Variants in SRGAP2 observed in about 807,000 individuals in gnomAD.
SRGAP2 encodes the protein SLIT-ROBO Rho GTPase activating protein 2, also known as SLIT-ROBO Rho GTPase-activating protein 2.
Under a neutral mutation model 57.2 loss-of-function variants are expected in SRGAP2, and 15 were observed. That is an observed-to-expected ratio of 0.26 (90% CI 0.18 to 0.40). SRGAP2 has a LOEUF of 0.40. SRGAP2 is among the 10% of genes least tolerant of loss of function. The pLI is 1.00. For synonymous variants in SRGAP2, 249 were observed against 248.0 expected, an observed-to-expected ratio of 1.00 and a Z score of -0.04; for missense variants, 520 against 669.6, an observed-to-expected ratio of 0.78 and a Z score of 2.47.
intron 2 of SRGAP2, among the ~76,000 whole-genome samples, chr1:206,275,893 G>A (rs1670385432): frequency 6.6e-6 from 1 of 151,848 alleles, no homozygotes; most frequent in Non-Finnish European, 1.5e-5. Flanking sequence ...GGGATTACAA[G>A]TGTGAGCCAC....
chr1:206,457,564 C>A (rs1458753492), intron 21 of SRGAP2, among the ~76,000 whole-genome samples: 1 of 152,192 alleles, frequency 6.6e-6, no homozygotes, highest in Non-Finnish European at 1.5e-5. Context: ...TTTTTCCACT[C>A]GAGAGCGGCT....
At chr1:206,250,279 C>G (rs61815480) in intron 2 of SRGAP2, among the ~76,000 whole-genome samples, 6,057 of 151,906 alleles carry the variant, frequency 0.04, 166 homozygotes, top group South Asian at 0.066. Flanking sequence ...GAATTACTCA[C>G]AGTCATAAAG....
intron 4 of SRGAP2, among the ~76,000 whole-genome samples, chr1:206,354,428 G>C (rs1440072451): frequency 1.7e-4 from 26 of 152,208 alleles, no homozygotes; most frequent in African/African-American, 6.0e-4. Flanking sequence ...GGAAGCCCAA[G>C]ATGTTTATCA....
chr1:206,213,832 T>C (rs1422073478), intron 2 of SRGAP2, among the ~76,000 whole-genome samples: 1 of 150,576 alleles, frequency 6.6e-6, no homozygotes, highest in Non-Finnish European at 1.5e-5. Flanking sequence ...GGGAGGAGAA[T>C]CGCTTGAATC....
At position 206,373,701 on chromosome 1, in the gene SRGAP2, C is replaced by T. The variant is rs868952739; in HGVS notation, c.424-10313C>T. Among the ~76,000 whole-genome samples the T allele has an allele frequency of 4.3e-4, 31 of 71,876 alleles. No homozygotes were observed. In the Middle Eastern group the frequency reaches 0.017, roughly 40 times the overall value. 47.2% of individuals were successfully genotyped at this position (71,876 alleles called of 152,430 possible). A position where few individuals can be genotyped will look rare whatever the true frequency, so the allele number is the denominator to read the frequency against. Reference sequence around the variant, plus strand: ...AGTGAGCCGAGATGGCGCCACTGCACTCCAGCCTGGTGATAGAGCGAGACT... The same window carrying T: ...AGTGAGCCGAGATGGCGCCACTGCATTCCAGCCTGGTGATAGAGCGAGACT... On this transcript the variant is annotated intron_variant, in intron 4 of 22. Coordinates refer to ENST00000573034, the MANE Select transcript of SRGAP2 (RefSeq NM_015326.5).
chr1:206,429,941 T>C (rs1424350814), intron 13 of SRGAP2, among the ~76,000 whole-genome samples: 1 of 152,114 alleles, frequency 6.6e-6, no homozygotes, highest in Non-Finnish European at 1.5e-5. Context: ...CAGAAGATGA[T>C]CAGTTTTGTT....
rs575484842 is a variant in SRGAP2, at chr1:206,371,378, A to G, written c.424-12636A>G. 3.2e-3 allele frequency among the ~76,000 whole-genome samples: 487 copies of G among 152,178 alleles called. 2 individuals are homozygous for G. Among genetic ancestry groups the G allele is most frequent in the African/African-American group, 0.011 (467 of 41,502 alleles). On this transcript the variant is annotated intron_variant, in intron 4 of 22. Transcript: ENST00000573034. ...GCATTATTTAGGCAGAAGGAAAATG[A>G]TCCCAAATAGAATCTTAGAAGTGCA...
intron 2 of SRGAP2, among the ~76,000 whole-genome samples, chr1:206,240,119 A>C (rs1668123256): frequency 6.6e-6 from 1 of 152,054 alleles, no homozygotes; most frequent in South Asian, 2.1e-4. Flanking sequence ...CAAAAAAATT[A>C]GCTGGGCATG....
chr1:206,243,336 T>C (rs1553309588), intron 2 of SRGAP2, among the ~76,000 whole-genome samples: 3 of 144,936 alleles, frequency 2.1e-5, no homozygotes, highest in African/African-American at 7.9e-5. Context: ...CGTTTATAAA[T>C]ATTTGCATTT....
rs782301439 is a variant in SRGAP2 at position 206,415,872 on chromosome 1, C to T, written c.1357-17C>T. ...TTCAGGAGTCTGATTGCTCTTTTTC[C>T]TCCTCCTCTCTTACAGAAAATGAAA... On this transcript the variant is annotated splice_polypyrimidine_tract_variant and intron_variant, in intron 10 of 22. Coordinates refer to ENST00000573034, the MANE Select transcript of SRGAP2 (RefSeq NM_015326.5). 2.6e-6 allele frequency: 2 copies of T among 774,794 alleles called. No individual in the cohort carries two copies. Among genetic ancestry groups the T allele is most frequent in the Non-Finnish European group, 4.8e-6 (2 of 415,500 alleles). The allele number at this position is 774,794 out of a possible 1,614,324, so 48.0% of individuals were successfully genotyped here.
Position 206,455,124 on chromosome 1 carries a change from G to A in SRGAP2, c.2507+100G>A, listed in dbSNP as rs372224074. 7.8e-6 allele frequency: 6 copies of A among 768,288 alleles called. No individual in the cohort carries two copies. The African/African-American group carries it at 8.5e-5, about 11-fold the overall frequency. The allele number at this position is 768,288 out of a possible 1,614,324, so 47.6% of individuals were successfully genotyped here. A position where few individuals can be genotyped will look rare whatever the true frequency, so the allele number is the denominator to read the frequency against. On this transcript the variant is annotated intron_variant, in intron 21 of 22. Transcript: ENST00000573034. ...ATCTCCATTCCTGTGCTGCACGTAG[G>A]GCTCCCAGCTCCCCCAGCCTAACAG...
intron 4 of SRGAP2, among the ~76,000 whole-genome samples, chr1:206,381,104 A>G (rs563550575): frequency 2.6e-5 from 4 of 152,340 alleles, no homozygotes; most frequent in African/African-American, 9.6e-5. Flanking sequence ...AGCCTGTTCA[A>G]ATAAACAGGG....
intron 14 of SRGAP2, 76 bp downstream of exon 14, chr1:206,430,298 A>T: frequency 1.3e-6 from 1 of 762,856 alleles, no homozygotes. Flanking sequence ...GTAGAGTAAG[A>T]ATAGAGATTG....
rs557280404 is a variant in SRGAP2, at chr1:206,458,857, G to T, written c.2742G>T (p.Leu914=). ...ISRHSSLKNR[L]DSPQIRKTAT... ...GCCACTCATCCCTGAAGAATCGGCTGGATAGTCCACAGATCCGGAAGACTG... is the reference window on the plus strand; with the variant it reads ...GCCACTCATCCCTGAAGAATCGGCTTGATAGTCCACAGATCCGGAAGACTG... Residue 914 remains leucine (L), a synonymous_variant, in exon 22 of 23, where the codon CTG becomes CTT. Coordinates refer to ENST00000573034, the MANE Select transcript of SRGAP2 (RefSeq NM_015326.5). 9.0e-6 allele frequency: 7 copies of T among 780,606 alleles called. No homozygotes were observed. Among genetic ancestry groups the T allele is most frequent in the Non-Finnish European group, 1.7e-5 (7 of 417,888 alleles). The allele number at this position is 780,606 out of a possible 1,614,324, so 48.4% of individuals were successfully genotyped here. A position where few individuals can be genotyped will look rare whatever the true frequency, so the allele number is the denominator to read the frequency against.
rs200641352 is a variant in SRGAP2 at position 206,378,704 on chromosome 1, T to C, written c.424-5310T>C. On this transcript the variant is annotated intron_variant, in intron 4 of 22. Transcript: ENST00000573034. ...AGCTAAAGGATTGTAAAGGCACCAATCAGCACTCTGTAAAAATGCACCAAT... is the reference window on the plus strand; with the variant it reads ...AGCTAAAGGATTGTAAAGGCACCAACCAGCACTCTGTAAAAATGCACCAAT... Among the ~76,000 whole-genome samples the C allele has an allele frequency of 4.9e-4, 74 of 152,164 alleles. 2 individuals carry two copies. The East Asian group carries it at 0.013, about 27-fold the overall frequency.
In SRGAP2 at chr1:206,296,458, G is replaced by A. The variant is rs1671600894; in HGVS notation, c.68-6823G>A. On this transcript the variant is annotated intron_variant, in intron 2 of 22. Coordinates refer to ENST00000573034, the MANE Select transcript of SRGAP2 (RefSeq NM_015326.5). ...TGTATTTAGTTTTTTGAGACAGGGT[G>A]TTGCTCTGTCACCCAGGCTGGAGTA... Among the ~76,000 whole-genome samples, 9 of 151,142 alleles carry A rather than the reference G, an allele frequency of 6.0e-5. No homozygotes were observed. The South Asian group carries it at 1.7e-3, about 28-fold the overall frequency.
In SRGAP2 at chr1:206,406,194, TAG is replaced by T. The variant is rs1553357111; in HGVS notation, c.1159-182_1159-181del. ...GCTTTTAGGTTTTCACTGTAGAGAG[TAG>T]CATGCTGTAGCAGAGTCCATGTGAT... is the stretch of plus-strand genomic sequence containing the variant. On this transcript the variant is annotated intron_variant, in intron 9 of 22. Transcript: ENST00000573034. Among the ~76,000 whole-genome samples, 5 of 150,984 alleles carry T rather than the reference TAG, an allele frequency of 3.3e-5. No individual in the cohort carries two copies. In the East Asian group the frequency reaches 9.7e-4, roughly 29 times the overall value.
chr1:206,423,631 T>G (rs1237757687), intron 13 of SRGAP2, among the ~76,000 whole-genome samples: 1 of 152,214 alleles, frequency 6.6e-6, no homozygotes, highest in Non-Finnish European at 1.5e-5. Context: ...TATAATCTGT[T>G]GTCAAGATTT....
chr1:206,236,408 G>A (rs1477895029), intron 2 of SRGAP2, among the ~76,000 whole-genome samples: 4 of 152,182 alleles, frequency 2.6e-5, no homozygotes, highest in Non-Finnish European at 5.9e-5. Flanking sequence ...CAACACCTGC[G>A]ACATTTTCTT....
Sources: allele counts gnomAD v4.1 joint callset (sites outside exome capture counted in the v4.1 genomes callset), GRCh38; gene constraint gnomAD v4.1.1; transcripts MANE v1.5; gene names NCBI Gene and HGNC (gene_info 2026-07-23, HGNC 2026-07-21).